Variants in GON4L observed in about 807,000 individuals in gnomAD.
GON4L encodes the protein GON-4-like protein.
Under a neutral mutation model 211.8 loss-of-function variants are expected in GON4L, and 87 were observed. The ratio of observed to expected loss-of-function variants is 0.41; its 90% CI spans 0.35 to 0.49. GON4L has a LOEUF of 0.49. Ranked by LOEUF, GON4L falls within the 20% of genes least tolerant of loss-of-function variation. The pLI is 0.15. For missense variants in GON4L, 2,155 were observed against 2,659.5 expected (o/e 0.81, Z 4.17); for synonymous variants, 875 against 962.6 (o/e 0.91, Z 1.68).
chr1:155,820,677 A>G (rs1571857724), intron 5 of GON4L, 21 bp from the exon 6 acceptor site: 1 of 1,577,854 alleles, frequency 6.3e-7, no homozygotes, highest in Middle Eastern at 1.7e-4. Flanking sequence ...AAAAACAGAA[A>G]GGAAATCCTC....
upstream of GON4L, chr1:155,859,281 A>C (rs1307920347): frequency 1.3e-5 from 2 of 154,746 alleles, no homozygotes; most frequent in Admixed American, 6.5e-5. Flanking sequence ...GATTTCATAT[A>C]ATAATCTACC....
chr1:155,755,820 A>G (rs746583209), intron 27 of GON4L, among the ~76,000 whole-genome samples: 4 of 152,130 alleles, frequency 2.6e-5, no homozygotes, highest in Non-Finnish European at 5.9e-5. Flanking sequence ...ACACTGTTTA[A>G]TAAACCCAAG....
At chr1:155,754,343 G>C in intron 28 of GON4L, 32 bp downstream of exon 28, 1 of 1,300,094 alleles carries the variant, frequency 7.7e-7, no homozygotes, top group Non-Finnish European at 1.1e-6. Flanking sequence ...CAGCAGCTCT[G>C]ATACCCTCGG....
chr1:155,745,599 G>A (rs1660228361), downstream of GON4L, among the ~76,000 whole-genome samples: 1 of 152,246 alleles, frequency 6.6e-6, no homozygotes, highest in African/African-American at 2.4e-5. Context: ...CAGGAGCAAC[G>A]GCGTGGCCCG....
chr1:155,810,676 C>T (rs1470173397), intron 10 of GON4L, among the ~76,000 whole-genome samples: 1 of 142,600 alleles, frequency 7.0e-6, no homozygotes, highest in Non-Finnish European at 1.5e-5. Flanking sequence ...CATCACACTC[C>T]AGCCTGGGCG....
At chr1:155,800,885 G>A (rs1359105317) in intron 11 of GON4L, among the ~76,000 whole-genome samples, 7 of 147,268 alleles carry the variant, frequency 4.8e-5, no homozygotes, top group South Asian at 2.2e-4. Context: ...TTAACTTACC[G>A]TGAAACCTGT....
chr1:155,834,702 A>G (rs1219324101), intron 2 of GON4L, among the ~76,000 whole-genome samples: 1 of 152,168 alleles, frequency 6.6e-6, no homozygotes, highest in Non-Finnish European at 1.5e-5. Flanking sequence ...TACCAGCACC[A>G]TGACAGTTTA....
intron 22 of GON4L, among the ~76,000 whole-genome samples, 156 bp downstream of exon 22, chr1:155,763,156 T>C (rs191898082): frequency 8.5e-5 from 13 of 152,334 alleles, no homozygotes; most frequent in South Asian, 2.1e-4. Flanking sequence ...GATACCACAT[T>C]AAACATGTTT....
intron 12 of GON4L, among the ~76,000 whole-genome samples, chr1:155,785,969 G>A (rs1449624096): frequency 2.0e-5 from 3 of 152,040 alleles, no homozygotes; most frequent in African/African-American, 4.8e-5. Flanking sequence ...GGTGGTGGGC[G>A]CCTGTAGTCC....
intron 10 of GON4L, among the ~76,000 whole-genome samples, chr1:155,808,734 A>C (rs1295950950): frequency 6.6e-6 from 1 of 151,722 alleles, no homozygotes; most frequent in East Asian, 1.9e-4. Context: ...TCAGCCTCCC[A>C]AGTAGCTGAG....
chr1:155,834,245 C>A (rs541813433), intron 2 of GON4L, among the ~76,000 whole-genome samples: 1 of 152,178 alleles, frequency 6.6e-6, no homozygotes, highest in Non-Finnish European at 1.5e-5. Context: ...CTTATCCCTC[C>A]TTTGCTACTA....
chr1:155,792,243 A>T (rs917136811), intron 12 of GON4L, among the ~76,000 whole-genome samples: 1 of 152,154 alleles, frequency 6.6e-6, no homozygotes, highest in African/African-American at 2.4e-5. Context: ...ATGCTTTTTA[A>T]TTTTTTTATT....
rs533904471 is a variant in GON4L at position 155,835,657 on chromosome 1, C to A, written c.506-8629G>T. Among the ~76,000 whole-genome samples, 183 of 152,172 alleles carry A rather than the reference C, an allele frequency of 1.2e-3. 1 individual carries two copies. The highest frequency in any genetic ancestry group is 4.3e-3 in the African/African-American group (177 of 41,526). On this transcript the variant is annotated intron_variant, in intron 2 of 31. Transcript: ENST00000368331. ...CTCTGGGTATTTTGGCATTTGGCAC[C>A]GTTTCATTTTTTTTCCATGTTGTCT...
At chr1:155,858,414 T>C (rs969884834), upstream of GON4L, among the ~76,000 whole-genome samples, 5 of 152,134 alleles carry the variant, frequency 3.3e-5, no homozygotes, top group African/African-American at 9.7e-5. Context: ...AAAATGAAGG[T>C]TGAAATTTAT....
chr1:155,849,412 C>T (rs1311429350), intron 2 of GON4L, among the ~76,000 whole-genome samples: 3 of 149,950 alleles, frequency 2.0e-5, no homozygotes, highest in Non-Finnish European at 3.0e-5. Context: ...AGCGTGGTGG[C>T]GGGCGCCTGT....
Position 155,822,141 on chromosome 1 carries a change from A to C in GON4L, c.888+145T>G, listed in dbSNP as rs12122114. Reference sequence around the variant, plus strand: ...GTGCAAGGAGAAAGCTATCTTAAATATGTAAAAATGTAAAATGTTCTGTCA... The same window carrying C: ...GTGCAAGGAGAAAGCTATCTTAAATCTGTAAAAATGTAAAATGTTCTGTCA... On this transcript the variant is annotated intron_variant, in intron 4 of 31. Transcript: ENST00000368331. 3.4e-3 allele frequency: 2,484 copies of C among 732,944 alleles called. 6 individuals carry two copies. The highest frequency in any genetic ancestry group is 5.2e-3 in the Non-Finnish European group (2,110 of 403,920). 45.4% of individuals were successfully genotyped at this position (732,944 alleles called of 1,614,324 possible).
downstream of GON4L, chr1:155,748,304 G>A: frequency 7.4e-7 from 1 of 1,351,288 alleles, no homozygotes; most frequent in Middle Eastern, 2.5e-4. Context: ...ACATACCCCT[G>A]ATTCATCCCC....
intron 14 of GON4L, among the ~76,000 whole-genome samples, chr1:155,778,697 C>T (rs1186736302): frequency 2.0e-5 from 3 of 152,156 alleles, no homozygotes; most frequent in African/African-American, 7.2e-5. Flanking sequence ...TTATCCTGAT[C>T]CTCTCCCTTC....
rs139239249 is a variant in GON4L, at chr1:155,820,565, A to G, written c.1014+41T>C. The stretch of plus-strand genomic sequence containing the variant: ...ATGGGTGAATTAGATCCTATTCACC[A>G]AGCTAAAAAAAAACCAACAACAAAA... On this transcript the variant is annotated intron_variant, in intron 6 of 31. Coordinates refer to ENST00000368331, the MANE Select transcript of GON4L (RefSeq NM_001282860.2). 3.1e-5 allele frequency: 43 copies of G among 1,402,838 alleles called. No individual in the cohort carries two copies. In the East Asian group the frequency reaches 9.8e-4, roughly 32 times the overall value. The allele number at this position is 1,402,838 out of a possible 1,614,324, so 86.9% of individuals were successfully genotyped here. A position where few individuals can be genotyped will look rare whatever the true frequency, so the allele number is the denominator to read the frequency against.
Sources: allele counts gnomAD v4.1 joint callset (sites outside exome capture counted in the v4.1 genomes callset), GRCh38; gene constraint gnomAD v4.1.1; transcripts MANE v1.5; gene names NCBI Gene and HGNC (gene_info 2026-07-23, HGNC 2026-07-21).